The following PROS1 variants were observed in gnomAD, a reference collection of about 807,000 sequenced individuals.
PROS1 encodes the protein protein S.
Under a neutral mutation model 75.9 loss-of-function variants are expected in PROS1, and 29 were observed. The ratio of observed to expected loss-of-function variants is 0.38; its 90% CI spans 0.28 to 0.52. The LOEUF is 0.52. Among genes scored for constraint, PROS1 ranks in the 20% least tolerant of loss-of-function variants. The probability of loss-of-function intolerance (pLI) is 0.83; values close to 1 mark genes in which losing one functional copy is unlikely to be tolerated. For missense variants in PROS1, 680 were observed against 810.3 expected, an observed-to-expected ratio of 0.84 and a Z score of 1.95; for synonymous variants, 245 against 280.6, an observed-to-expected ratio of 0.87 and a Z score of 1.27.
Position 93,950,507 on chromosome 3 carries a change from C to T in PROS1, c.77-23100G>A, listed in dbSNP as rs188332420. Among the ~76,000 whole-genome samples the T allele has an allele frequency of 1.7e-3, 260 of 152,254 alleles. 2 individuals carry two copies. In the Middle Eastern group the frequency reaches 0.021, roughly 12 times the overall value. ...AGCTTCCAGAGGAAGGGTGAGGCAG[C>T]GACATTTGCCGTTCTGCAATATTTG... On this transcript the variant is annotated intron_variant, in intron 1 of 14. Transcript: ENST00000394236.
At chr3:93,973,605 T>TACCA in intron 1 of PROS1, 69 bp downstream of exon 1, 1 of 1,536,120 alleles carries the variant, frequency 6.5e-7, no homozygotes, top group Non-Finnish European at 8.9e-7. Flanking sequence ...AAGAAAATCC[T>TACCA]ACCAACCAGG....
intron 10 of PROS1, among the ~76,000 whole-genome samples, chr3:93,887,547 A>G (rs1390574811): frequency 6.6e-6 from 1 of 152,238 alleles, no homozygotes; most frequent in African/African-American, 2.4e-5. Flanking sequence ...TTAAAACACC[A>G]TGATAGGAAG....
chr3:93,922,482 A>G (rs1436042026), intron 3 of PROS1, among the ~76,000 whole-genome samples: 2 of 152,202 alleles, frequency 1.3e-5, no homozygotes, highest in African/African-American at 4.8e-5. Flanking sequence ...CTTATTTCCA[A>G]ATCGCATGTT....
chr3:93,939,256 C>T (rs747787453), intron 1 of PROS1, among the ~76,000 whole-genome samples: 3 of 152,112 alleles, frequency 2.0e-5, no homozygotes, highest in Non-Finnish European at 1.5e-5. Flanking sequence ...GCCTGACGTC[C>T]AGGCATTCTT....
chr3:93,954,818 A>C (rs1350257228), intron 1 of PROS1, among the ~76,000 whole-genome samples: 1 of 152,226 alleles, frequency 6.6e-6, no homozygotes, highest in South Asian at 2.1e-4. Flanking sequence ...AATTTTTACA[A>C]TCTACCCATC....
At chr3:93,927,993 G>GTGTATATATATATA (rs1304225620) in intron 1 of PROS1, among the ~76,000 whole-genome samples, 11 of 25,612 alleles carry the variant, frequency 4.3e-4, no homozygotes, top group East Asian at 9.6e-4. Context: ...GTGTGTGTGT[G>GTGTATATATATATA]TATATATATA....
intron 1 of PROS1, among the ~76,000 whole-genome samples, chr3:93,935,249 T>C (rs1709165427): frequency 6.6e-6 from 1 of 152,048 alleles, no homozygotes; most frequent in South Asian, 2.1e-4. Flanking sequence ...TGCAAACTGG[T>C]TATGTTTCCT....
At chr3:93,924,490 CA>C (rs1415393857) in intron 2 of PROS1, among the ~76,000 whole-genome samples, 2 of 151,964 alleles carry the variant, frequency 1.3e-5, no homozygotes, top group East Asian at 3.9e-4. Context: ...AATCATGTTT[CA>C]AAAGCTTCTA....
At chr3:93,881,586 C>A (rs1434552982) in intron 12 of PROS1, among the ~76,000 whole-genome samples, 3 of 121,046 alleles carry the variant, frequency 2.5e-5, no homozygotes, top group African/African-American at 9.4e-5. Flanking sequence ...GTGAGACATG[C>A]TCACACTCTG....
chr3:93,945,672 A>T (rs1476637486), intron 1 of PROS1, among the ~76,000 whole-genome samples: 1 of 152,158 alleles, frequency 6.6e-6, no homozygotes, highest in Non-Finnish European at 1.5e-5. Flanking sequence ...AAATAATAAG[A>T]GCTATTTATG....
At chr3:93,943,608 C>T (rs1431120853) in intron 1 of PROS1, among the ~76,000 whole-genome samples, 3 of 152,116 alleles carry the variant, frequency 2.0e-5, no homozygotes, top group Non-Finnish European at 4.4e-5. Context: ...CATACCACCC[C>T]CCCAAAATTT....
At chr3:93,882,286 A>G (rs1054536627) in intron 12 of PROS1, among the ~76,000 whole-genome samples, 111 of 152,228 alleles carry the variant, frequency 7.3e-4, no homozygotes, top group African/African-American at 2.6e-3. Context: ...CTTCCATAGA[A>G]TTAATCACAT....
chr3:93,877,150 T>C lies in PROS1; in HGVS notation c.1686A>G (p.Ile562Met), dbSNP rs1171760995. Residue 562 changes from isoleucine (I) to methionine (M), a missense_variant, in exon 14 of 15, where the codon ATA (isoleucine) becomes ATG (methionine). Physicochemically the swap from Ile to Met is conservative, Grantham distance 10. Transcript: ENST00000394236. Reference sequence around the variant, plus strand: ...GATCGGAACATAGACTTAGGGCCTGTATCCGATATATTACAGTATTTTCAA... The same window carrying C: ...GATCGGAACATAGACTTAGGGCCTGCATCCGATATATTACAGTATTTTCAA... ...LSVENTVIYR[I>M]QALSLCSDQQ... 6.2e-7 allele frequency: 1 copy of C among 1,610,234 alleles called. No homozygotes were observed. Among genetic ancestry groups the C allele is most frequent in the Admixed American group, 1.7e-5 (1 of 60,008 alleles).
chr3:93,950,607 C>A (rs1337119973), intron 1 of PROS1, among the ~76,000 whole-genome samples: 1 of 152,232 alleles, frequency 6.6e-6, no homozygotes, highest in Non-Finnish European at 1.5e-5. Context: ...CCCAACAGAC[C>A]TGCAGCTGAG....
At chr3:93,897,669 A>G (rs1171497860) in intron 8 of PROS1, among the ~76,000 whole-genome samples, 1 of 152,080 alleles carries the variant, frequency 6.6e-6, no homozygotes, top group East Asian at 1.9e-4. Flanking sequence ...GGCAACAGCT[A>G]TAGAGGTATG....
chr3:93,923,917 C>T (rs559572652), intron 3 of PROS1, among the ~76,000 whole-genome samples: 33 of 147,396 alleles, frequency 2.2e-4, no homozygotes, highest in African/African-American at 7.3e-4. Flanking sequence ...AAAAAAAAAA[C>T]AGTTAACCCA....
At chr3:93,900,998 A>T in intron 6 of PROS1, 69 bp from the exon 7 acceptor site, 1 of 1,544,262 alleles carries the variant, frequency 6.5e-7, no homozygotes, top group Non-Finnish European at 8.8e-7. Context: ...AGAACCCTTG[A>T]TTTGTGTTTC....
intron 3 of PROS1, among the ~76,000 whole-genome samples, chr3:93,914,657 CTTTTA>C (rs1408682262): frequency 6.6e-6 from 1 of 152,106 alleles, no homozygotes; most frequent in Non-Finnish European, 1.5e-5. Flanking sequence ...CACCTGGCTC[CTTTTA>C]TTTATTTATT....
At chr3:93,964,667 G>A (rs1709760842) in intron 1 of PROS1, among the ~76,000 whole-genome samples, 1 of 152,010 alleles carries the variant, frequency 6.6e-6, no homozygotes, top group African/African-American at 2.4e-5. Flanking sequence ...TCTCCCTTTT[G>A]CCCTTTGAAG....
Sources: gnomAD v4.1 joint callset for allele counts (sites outside exome capture counted in the v4.1 genomes callset) on GRCh38, gnomAD v4.1.1 for gene constraint, MANE v1.5 for transcripts, NCBI Gene and HGNC (gene_info 2026-07-23, HGNC 2026-07-21) for gene names.